NSFL1C: variants seen among roughly 807,000 people sequenced by gnomAD.
NSFL1C encodes the protein NSFL1 cofactor p47.
Under a neutral mutation model 43.1 loss-of-function variants are expected in NSFL1C, and 14 were observed. The observed-to-expected ratio is 0.32, with a 90% CI of 0.21 to 0.51. The LOEUF is 0.51. NSFL1C is among the 20% of genes least tolerant of loss of function. NSFL1C has a pLI of 0.98. For synonymous variants in NSFL1C, 171 were observed against 183.5 expected (o/e 0.93, Z 0.55); for missense variants, 406 against 472.5 (o/e 0.86, Z 1.30).
At chr20:1,456,715 G>A (rs2090308754) in intron 3 of NSFL1C, 1 of 152,112 alleles carries the variant, frequency 6.6e-6, no homozygotes, top group Admixed American at 6.5e-5. Context: ...GTGATCAAGA[G>A]CCTTAAAAAT....
intron 7 of NSFL1C, among the ~76,000 whole-genome samples, chr20:1,447,553 G>C (rs1038489797): frequency 6.6e-6 from 1 of 151,802 alleles, no homozygotes; most frequent in African/African-American, 2.4e-5. Flanking sequence ...GGACATTCCT[G>C]ATCTACACTA....
chr20:1,451,051 T>C (rs1224827793), intron 7 of NSFL1C, among the ~76,000 whole-genome samples: 1 of 152,166 alleles, frequency 6.6e-6, no homozygotes, highest in Non-Finnish European at 1.5e-5. Context: ...ATTCTTTACC[T>C]GCACTTTCTA....
chr20:1,455,062 C>G lies in NSFL1C; in HGVS notation c.349G>C (p.Glu117Gln). The change falls in exon 4 of 9, where the codon GAG becomes CAG. Residue 117 changes from glutamate (E) to glutamine (Q), a missense_variant. Physicochemically the swap from Glu to Gln is conservative, Grantham distance 29. This residue lies in a region of NSFL1C where 203 missense variants were observed against 216.3 expected (regional missense o/e 0.94). Transcript: ENST00000216879. ...CCTTTAAAGAGATCATCCACCAGCT[C>G]GTTGGGACTTTTCTTCCTGGGAGGG... ...VGPPRKKSPN[E>Q]LVDDLFKGAK... The G allele has an allele frequency of 6.2e-7, 1 of 1,614,144 alleles. No homozygotes were observed. The highest frequency in any genetic ancestry group is 8.5e-7 in the Non-Finnish European group (1 of 1,180,022).
At position 1,442,855 on chromosome 20, in the gene NSFL1C, G is replaced by A. The variant is rs1045323717; in HGVS notation, c.*894C>T. The stretch of plus-strand genomic sequence containing the variant: ...ATTTGATTTGCCACACATCACTAGT[G>A]AACAGCTCGGTGGCATTTTGACTGT... On this transcript the variant is annotated 3_prime_UTR_variant, in exon 9 of 9. Coordinates refer to ENST00000216879, the MANE Select transcript of NSFL1C (RefSeq NM_016143.5). 4 of 152,322 alleles carry A rather than the reference G, an allele frequency of 2.6e-5. No homozygotes were observed. The South Asian group carries it at 6.2e-4, about 24-fold the overall frequency. 9.4% of individuals were successfully genotyped at this position (152,322 alleles called of 1,614,324 possible). A position where few individuals can be genotyped will look rare whatever the true frequency, so the allele number is the denominator to read the frequency against.
rs749796057 is a variant in NSFL1C at position 1,443,775 on chromosome 20, C to A, written c.1087G>T (p.Ala363Ser). The change falls in exon 9 of 9, where the codon GCT becomes TCT. Residue 363 changes from alanine (A) to serine (S), a missense_variant. Physicochemically the swap from Ala to Ser is moderately conservative, Grantham distance 99. Transcript: ENST00000216879. ...QTLKEANLLN[A>S]VIVQRLT The stretch of plus-strand genomic sequence containing the variant: ...TATGTTAACCGCTGCACGATGACAG[C>A]ATTGAGCAGGTTGGCTTCCTTCAGG... 2 of 1,614,158 alleles carry A rather than the reference C, an allele frequency of 1.2e-6. No individual in the cohort carries two copies. The highest frequency in any genetic ancestry group is 1.7e-6 in the Non-Finnish European group (2 of 1,180,030).
intron 1 of NSFL1C, among the ~76,000 whole-genome samples, chr20:1,466,473 C>T (rs1395480395): frequency 6.6e-6 from 1 of 152,236 alleles, no homozygotes; most frequent in Non-Finnish European, 1.5e-5. Context: ...CGAAGTCTCG[C>T]TGACGCCGCA....
At chr20:1,444,745 G>C (rs1247225176) in intron 8 of NSFL1C, among the ~76,000 whole-genome samples, 1 of 152,178 alleles carries the variant, frequency 6.6e-6, no homozygotes, top group African/African-American at 2.4e-5. Flanking sequence ...CCTGGGAATG[G>C]GCAGCAGTGT....
chr20:1,443,571 G>T lies in NSFL1C; in HGVS notation c.*178C>A. 1 of 539,640 alleles carries T rather than the reference G, an allele frequency of 1.9e-6. No individual in the cohort carries two copies. The allele number at this position is 539,640 out of a possible 1,614,324, so 33.4% of individuals were successfully genotyped here. On this transcript the variant is annotated 3_prime_UTR_variant, in exon 9 of 9. Transcript: ENST00000216879. The stretch of plus-strand genomic sequence containing the variant: ...GTCCATTGATCATCACAAAAACCCA[G>T]GAAATGCAACTAAGGAGAAAACAAA...
At chr20:1,458,347 G>T in intron 2 of NSFL1C, 73 bp from the exon 3 acceptor site, 1 of 1,278,966 alleles carries the variant, frequency 7.8e-7, no homozygotes, top group Non-Finnish European at 1.1e-6. Context: ...CAGCTGCTAA[G>T]GAGGTGAAGA....
intron 6 of NSFL1C, 28 bp from the exon 7 acceptor site, chr20:1,452,658 CCA>C (rs768593372): frequency 6.2e-7 from 1 of 1,612,634 alleles, no homozygotes; most frequent in Non-Finnish European, 8.5e-7. Context: ...ATGCTGAGGT[CCA>C]CAGAGAGAAG....
chr20:1,453,438 C>T (rs1401033252), intron 5 of NSFL1C, among the ~76,000 whole-genome samples: 1 of 152,180 alleles, frequency 6.6e-6, no homozygotes, highest in African/African-American at 2.4e-5. Flanking sequence ...ACTCAATCGA[C>T]GCTTTGCTTG....
At chr20:1,446,184 G>C in intron 7 of NSFL1C, 1 of 386,016 alleles carries the variant, frequency 2.6e-6, no homozygotes, top group Non-Finnish European at 5.0e-6. Context: ...AAGGCTGGAA[G>C]ACATAATAGA....
Position 1,461,326 on chromosome 20 carries a change from C to G in NSFL1C, c.203+3003G>C, listed in dbSNP as rs115183153. On this transcript the variant is annotated intron_variant, in intron 2 of 8. Coordinates refer to ENST00000216879, the MANE Select transcript of NSFL1C (RefSeq NM_016143.5). Reference sequence around the variant, plus strand: ...TAGTTGTGACTGGAGTTCTGTGGAACAGAATTATGGCGTGCAGCCTGGTCA... The same window carrying G: ...TAGTTGTGACTGGAGTTCTGTGGAAGAGAATTATGGCGTGCAGCCTGGTCA... Among the ~76,000 whole-genome samples, 315 of 152,264 alleles carry G rather than the reference C, an allele frequency of 2.1e-3. 3 individuals carry two copies. The highest frequency in any genetic ancestry group is 9.1e-4 in the Non-Finnish European group (62 of 68,024).
chr20:1,457,585 C>G (rs4546067), intron 3 of NSFL1C, among the ~76,000 whole-genome samples: 1 of 151,970 alleles, frequency 6.6e-6, no homozygotes. Flanking sequence ...CCTTTGACCA[C>G]CATCTCCCCA....
intron 7 of NSFL1C, chr20:1,446,214 C>T (rs1344340217): frequency 6.7e-6 from 2 of 299,600 alleles, no homozygotes; most frequent in Non-Finnish European, 1.3e-5. Flanking sequence ...GTTTTAGCCT[C>T]AATGGAGTGG....
chr20:1,449,905 T>C (rs3829698), intron 7 of NSFL1C, among the ~76,000 whole-genome samples: 76,208 of 151,962 alleles, frequency 0.5, 20,483 homozygotes, highest in East Asian at 0.79. Flanking sequence ...AGTGCACTCT[T>C]GCTGTTTGCA....
At chr20:1,465,376 G>A (rs1360300826) in intron 1 of NSFL1C, among the ~76,000 whole-genome samples, 4 of 152,180 alleles carry the variant, frequency 2.6e-5, no homozygotes, top group African/African-American at 4.8e-5. Flanking sequence ...TTCAAGTCCT[G>A]TTCCTGCCAG....
In NSFL1C at chr20:1,455,198, T is replaced by G. The variant is rs771151957; in HGVS notation, c.279-66A>C. On this transcript the variant is annotated intron_variant, in intron 3 of 8. Transcript: ENST00000216879. ...AAACATGAATAGAGCATGTGCCAGG[T>G]TGGTGCTGGGCACACTGAGGCAAAG... 7 of 1,582,252 alleles carry G rather than the reference T, an allele frequency of 4.4e-6. No homozygotes were observed. The African/African-American group carries it at 8.1e-5, about 18-fold the overall frequency.
chr20:1,447,927 T>C (rs1380671846), intron 7 of NSFL1C, among the ~76,000 whole-genome samples: 3 of 152,220 alleles, frequency 2.0e-5, no homozygotes, highest in Non-Finnish European at 2.9e-5. Context: ...ACACACGCTA[T>C]GGATCATTTT....
Sources: gnomAD v4.1 joint callset for allele counts (sites outside exome capture counted in the v4.1 genomes callset) on GRCh38, gnomAD v4.1.1 for gene constraint, gnomAD v4.1.1 regional missense constraint, MANE v1.5 for transcripts, NCBI Gene and HGNC (gene_info 2026-07-23, HGNC 2026-07-21) for gene names.